TBCD: variants seen among roughly 807,000 people sequenced by gnomAD.
The protein encoded by TBCD is tubulin folding cofactor D.
TBCD carries 105 observed loss-of-function variants against 169.3 expected under a neutral mutation model. The ratio of observed to expected loss-of-function variants is 0.62; its 90% CI spans 0.53 to 0.73. The LOEUF is 0.73. Among genes scored for constraint, TBCD ranks in the 30% least tolerant of loss-of-function variants. The probability of loss-of-function intolerance (pLI) is 0.00; values close to 1 mark genes in which losing one functional copy is unlikely to be tolerated. For missense variants in TBCD, 1,444 were observed against 1,600.1 expected (o/e 0.90, Z 1.66); for synonymous variants, 700 against 643.9 (o/e 1.09, Z -1.32).
chr17:82,822,909 A>G (rs2052527926), intron 13 of TBCD, among the ~76,000 whole-genome samples: 1 of 152,174 alleles, frequency 6.6e-6, no homozygotes, highest in Admixed American at 6.5e-5. Context: ...ATGGGTGGAA[A>G]AGCTTGAACC....
At chr17:82,918,086 C>T (rs938117313) in intron 23 of TBCD, among the ~76,000 whole-genome samples, 1 of 152,192 alleles carries the variant, frequency 6.6e-6, no homozygotes, top group Non-Finnish European at 1.5e-5. Context: ...GTAATAGAGC[C>T]TGGCTGTGCT....
rs887925164 is a variant in TBCD at position 82,782,215 on chromosome 17, G to C, written c.771+494G>C. Among the ~76,000 whole-genome samples the C allele has an allele frequency of 2.6e-4, 40 of 152,172 alleles. 1 individual carries two copies. Among genetic ancestry groups the C allele is most frequent in the Admixed American group, 2.6e-3 (39 of 15,226 alleles). On this transcript the variant is annotated intron_variant, in intron 7 of 38. Coordinates refer to ENST00000355528, the MANE Select transcript of TBCD (RefSeq NM_005993.5). The surrounding 1 kb of genome is among the most constrained non-coding windows in gnomAD (Gnocchi z 5.1). ...GCAGCCCTTTGCCAGCCCTTTCCCT[G>C]CCCTTTCGCTCTGATTGTCTCTTGT...
At position 82,890,277 on chromosome 17, in the gene TBCD, T is replaced by G. The variant is rs1315017184; in HGVS notation, c.1563+580T>G. 1.3e-5 allele frequency among the ~76,000 whole-genome samples: 2 copies of G among 152,156 alleles called. No individual in the cohort carries two copies. The highest frequency in any genetic ancestry group is 4.8e-5 in the African/African-American group (2 of 41,440). On this transcript the variant is annotated intron_variant, in intron 16 of 38. Transcript: ENST00000355528. The surrounding 1 kb of genome is among the most constrained non-coding windows in gnomAD (Gnocchi z 5.3). ...ACATCTTGGGCGTGTGGTTGGGTCTTGCAGGAGAGTGGGACAGAGGCCGGA... is the reference window on the plus strand; with the variant it reads ...ACATCTTGGGCGTGTGGTTGGGTCTGGCAGGAGAGTGGGACAGAGGCCGGA...
chr17:82,902,659 C>T (rs1483032434), intron 18 of TBCD, among the ~76,000 whole-genome samples: 1 of 152,270 alleles, frequency 6.6e-6, no homozygotes, highest in African/African-American at 2.4e-5. Flanking sequence ...TGCCTGGTTT[C>T]ACTGTGGTGC....
chr17:82,903,302 G>A lies in TBCD; in HGVS notation c.1731-103G>A, dbSNP rs1038030402. On this transcript the variant is annotated intron_variant, in intron 18 of 38. Transcript: ENST00000355528. This position sits in a 1 kb window ranked among gnomAD's most constrained non-coding sequence, Gnocchi z 4.8. ...GTGAGTGAGCCTCTGCTAAGTGGCC[G>A]GTTGAGGACTCGTGTGTTGTCTCCC... The A allele has an allele frequency of 1.5e-5, 16 of 1,081,938 alleles. No homozygotes were observed. The highest frequency in any genetic ancestry group is 1.8e-5 in the Non-Finnish European group (13 of 731,224). The allele number at this position is 1,081,938 out of a possible 1,614,324, so 67.0% of individuals were successfully genotyped here.
In TBCD at chr17:82,752,350, C is replaced by G. The variant is rs1412323506; in HGVS notation, c.157C>G (p.Arg53Gly). Residue 53 changes from arginine (R) to glycine (G), a missense_variant, in exon 1 of 39, where the codon CGC becomes GGC. Transcript: ENST00000355528. Reference protein sequence around the residue: ...LREVHGGGAEREVALERFRVI... With the variant: ...LREVHGGGAEGEVALERFRVI... ...GGAGGTGCACGGCGGCGGCGCGGAG[C>G]GCGAGGTGGCCCTGGAGCGGTTCCG... 12 of 1,402,164 alleles carry G rather than the reference C, an allele frequency of 8.6e-6. No homozygotes were observed. The highest frequency in any genetic ancestry group is 1.1e-5 in the Non-Finnish European group (12 of 1,090,848). 86.9% of individuals were successfully genotyped at this position (1,402,164 alleles called of 1,614,324 possible).
Position 82,901,967 on chromosome 17 carries a change from C to T in TBCD, c.1730+1236C>T, listed in dbSNP as rs1380180530. On this transcript the variant is annotated intron_variant, in intron 18 of 38. Transcript: ENST00000355528. ...AAAACCAAAGTTACAGATATATGCC[C>T]GTAGCGTCGGAGCTGTGGGACTCTC... Among the ~76,000 whole-genome samples the T allele has an allele frequency of 7.9e-5, 12 of 152,272 alleles. No individual in the cohort carries two copies. The South Asian group carries it at 1.7e-3, about 21-fold the overall frequency.
At chr17:82,830,537 C>T (rs1181558064) in intron 13 of TBCD, 5 of 1,614,002 alleles carry the variant, frequency 3.1e-6, no homozygotes, top group Non-Finnish European at 4.2e-6. Context: ...TGGCTGGGCC[C>T]ATCCTCAGAA....
intron 6 of TBCD, among the ~76,000 whole-genome samples, chr17:82,779,809 C>T (rs898535733): frequency 6.6e-6 from 1 of 152,118 alleles, no homozygotes; most frequent in African/African-American, 2.4e-5. Flanking sequence ...AGCCTGGCAG[C>T]TCCAGCTTCC....
chr17:82,850,545 C>T (rs573153188), intron 13 of TBCD, among the ~76,000 whole-genome samples: 2 of 119,506 alleles, frequency 1.7e-5, no homozygotes, highest in Non-Finnish European at 1.9e-5. Context: ...GTTAGCTGTG[C>T]TGTTGTTGGC....
At chr17:82,865,582 C>A in intron 13 of TBCD, 1 of 980,828 alleles carries the variant, frequency 1.0e-6, no homozygotes, top group Non-Finnish European at 1.2e-6. Flanking sequence ...CGCCCAGTGC[C>A]GAAATGGGAA....
rs372361076 is a variant in TBCD at position 82,753,029 on chromosome 17, C to T, written c.184+652C>T. On this transcript the variant is annotated intron_variant, in intron 1 of 38. Coordinates refer to ENST00000355528, the MANE Select transcript of TBCD (RefSeq NM_005993.5). ...TGAGTCTAAATTCTCCGAGTTCAGA[C>T]CCACCTTTACCGCTGTCTATAATGG... Among the ~76,000 whole-genome samples, 29 of 152,268 alleles carry T rather than the reference C, an allele frequency of 1.9e-4. No individual in the cohort carries two copies. The East Asian group carries it at 3.3e-3, about 17-fold the overall frequency.
intron 5 of TBCD, among the ~76,000 whole-genome samples, chr17:82,769,316 T>C (rs1393799150): frequency 1.3e-5 from 2 of 152,216 alleles, no homozygotes; most frequent in Non-Finnish European, 2.9e-5. Context: ...GCTAATGAGA[T>C]GGAAGTCATG....
intron 23 of TBCD, chr17:82,918,544 C>G (rs975979023): frequency 6.6e-6 from 1 of 152,190 alleles, no homozygotes; most frequent in Non-Finnish European, 1.5e-5. Flanking sequence ...GTAGAGTACA[C>G]TGGGGCTATT....
At chr17:82,837,071 A>G (rs889715230) in intron 13 of TBCD, among the ~76,000 whole-genome samples, 2 of 152,228 alleles carry the variant, frequency 1.3e-5, no homozygotes, top group Admixed American at 6.5e-5. Flanking sequence ...CAGGGAGCAC[A>G]GCTGCTTCAG....
In TBCD at chr17:82,944,187, CTA is replaced by C. The variant is rs1429035336; in HGVS notation, c.*1726_*1727del. The C allele has an allele frequency of 6.6e-6, 1 of 152,216 alleles. No homozygotes were observed. The highest frequency in any genetic ancestry group is 1.5e-5 in the Non-Finnish European group (1 of 68,040). The allele number at this position is 152,216 out of a possible 1,614,324, so 9.4% of individuals were successfully genotyped here. A position where few individuals can be genotyped will look rare whatever the true frequency, so the allele number is the denominator to read the frequency against. On this transcript the variant is annotated 3_prime_UTR_variant, in exon 39 of 39. Transcript: ENST00000355528. ...TACCCACCCAGACCCATCAGTGACA[CTA>C]TGTGGCAAAGCAGTTCTTCTTTTAA...
chr17:82,908,173 G>A (rs992748508), intron 21 of TBCD: 6 of 387,310 alleles, frequency 1.5e-5, no homozygotes, highest in African/African-American at 2.1e-5. Context: ...GTTTCCCTCC[G>A]GGGCGCGCGG....
intron 13 of TBCD, among the ~76,000 whole-genome samples, chr17:82,837,324 C>T (rs930677113): frequency 6.6e-5 from 10 of 152,172 alleles, no homozygotes; most frequent in Non-Finnish European, 1.3e-4. Context: ...CAGTTTCTAC[C>T]AGCCCGACTT....
chr17:82,799,776 C>T (rs2050372800), intron 8 of TBCD, among the ~76,000 whole-genome samples: 1 of 152,252 alleles, frequency 6.6e-6, no homozygotes, highest in Non-Finnish European at 1.5e-5. Flanking sequence ...GTGACGTGAA[C>T]ACAGACCTCC....
Sources: gnomAD v4.1 joint callset for allele counts (sites outside exome capture counted in the v4.1 genomes callset) on GRCh38, gnomAD v4.1.1 for gene constraint, Gnocchi (gnomAD v3.1) non-coding constraint, MANE v1.5 for transcripts, NCBI Gene and HGNC (gene_info 2026-07-23, HGNC 2026-07-21) for gene names.